The following CSMD1 variants were observed in gnomAD, a reference collection of about 807,000 sequenced individuals.
CSMD1 encodes the protein CUB and Sushi multiple domains 1.
CSMD1 carries 213 observed loss-of-function variants against 417.5 expected under a neutral mutation model. The ratio of observed to expected loss-of-function variants is 0.51; its 90% confidence interval spans 0.46 to 0.57. CSMD1 has a LOEUF of 0.57. CSMD1 is among the 20% of genes least tolerant of loss of function. The pLI is 0.00. For synonymous variants in CSMD1, 2,862 were observed against 1,736.8 expected, an observed-to-expected ratio of 1.65 and a Z score of -16.11; for missense variants, 6,923 against 4,529.7, an observed-to-expected ratio of 1.53 and a Z score of -15.17.
At chr8:4,854,361 A>T (rs1801665547) in intron 1 of CSMD1, among the ~76,000 whole-genome samples, 1 of 152,136 alleles carries the variant, frequency 6.6e-6, no homozygotes, top group African/African-American at 2.4e-5. Context: ...TAGTGATTGA[A>T]TTCTCAAAGG....
At position 4,256,418 on chromosome 8, in the gene CSMD1, T is replaced by C. The variant is rs137901415; in HGVS notation, c.415+163535A>G. Among the ~76,000 whole-genome samples, 570 of 152,278 alleles carry C rather than the reference T, an allele frequency of 3.7e-3. 5 individuals are homozygous for C. Among genetic ancestry groups the C allele is most frequent in the African/African-American group, 0.013 (547 of 41,546 alleles). On this transcript the variant is annotated intron_variant, in intron 3 of 69. Transcript: ENST00000635120. ...GAATTTCTCTTTTCTCCTCTGAAAA[T>C]AGCACAGAATTGTGAAGATTAAAAG...
chr8:3,609,588 C>T (rs531910529), intron 8 of CSMD1, among the ~76,000 whole-genome samples: 2 of 151,810 alleles, frequency 1.3e-5, no homozygotes, highest in South Asian at 4.2e-4. Flanking sequence ...AATATTTTAC[C>T]AGCCTAAAAA....
intron 2 of CSMD1, among the ~76,000 whole-genome samples, chr8:4,508,206 C>G (rs1236158774): frequency 1.3e-5 from 2 of 150,138 alleles, no homozygotes; most frequent in East Asian, 3.9e-4. Context: ...TAAGCATCTC[C>G]CTGATACCGC....
At chr8:3,768,604 T>G (rs559679794) in intron 5 of CSMD1, among the ~76,000 whole-genome samples, 1 of 152,290 alleles carries the variant, frequency 6.6e-6, no homozygotes, top group East Asian at 1.9e-4. Flanking sequence ...AGTGTAACAT[T>G]AAATAGAAGC....
At chr8:3,010,386 C>A (rs1808291533) in intron 52 of CSMD1, among the ~76,000 whole-genome samples, 1 of 152,186 alleles carries the variant, frequency 6.6e-6, no homozygotes, top group African/African-American at 2.4e-5. Flanking sequence ...CAGGACTCAG[C>A]TCAAAACCTG....
At chr8:4,416,907 G>C (rs773561908) in intron 3 of CSMD1, among the ~76,000 whole-genome samples, 1 of 151,964 alleles carries the variant, frequency 6.6e-6, no homozygotes, top group Non-Finnish European at 1.5e-5. Flanking sequence ...GGCATATCTA[G>C]GAATTTTAAT....
chr8:4,141,234 G>C (rs952627921), intron 3 of CSMD1, among the ~76,000 whole-genome samples: 4 of 151,046 alleles, frequency 2.6e-5, no homozygotes, highest in African/African-American at 9.9e-5. Flanking sequence ...ACATTTACAA[G>C]ATACTGAAGA....
chr8:3,920,174 C>T (rs748580192), intron 5 of CSMD1, among the ~76,000 whole-genome samples: 8 of 152,052 alleles, frequency 5.3e-5, no homozygotes, highest in Non-Finnish European at 1.2e-4. Context: ...GCTGGGACTA[C>T]AGGTGTGTGC....
chr8:3,053,007 C>T (rs1001010768), intron 49 of CSMD1, among the ~76,000 whole-genome samples: 5 of 152,122 alleles, frequency 3.3e-5, no homozygotes, highest in African/African-American at 9.7e-5. Context: ...GTTGCCAACT[C>T]CCAAACTCAG....
chr8:3,765,015 GATTACAGGC>G (rs1798195703), intron 5 of CSMD1, among the ~76,000 whole-genome samples: 1 of 151,854 alleles, frequency 6.6e-6, no homozygotes, highest in Admixed American at 6.6e-5. Flanking sequence ...AAAGTTCTGG[GATTACAGGC>G]ATGACCCACC....
chr8:4,271,975 T>C (rs188998563), intron 3 of CSMD1, among the ~76,000 whole-genome samples: 1 of 152,268 alleles, frequency 6.6e-6, no homozygotes, highest in Admixed American at 6.5e-5. Context: ...CAGCCCTCCC[T>C]ATATAGATGG....
At chr8:3,581,964 C>T (rs1379717426) in intron 9 of CSMD1, among the ~76,000 whole-genome samples, 3 of 152,152 alleles carry the variant, frequency 2.0e-5, no homozygotes, top group Non-Finnish European at 4.4e-5. Flanking sequence ...ACCAGCATGT[C>T]TAGCTAACTC....
chr8:4,636,892 G>A (rs558202494), intron 2 of CSMD1, among the ~76,000 whole-genome samples: 41 of 152,214 alleles, frequency 2.7e-4, no homozygotes, highest in Admixed American at 5.2e-4. Flanking sequence ...GCACCAATCA[G>A]CACTCTGTAA....
At chr8:4,463,900 T>C (rs1184162312) in intron 2 of CSMD1, among the ~76,000 whole-genome samples, 3 of 152,158 alleles carry the variant, frequency 2.0e-5, no homozygotes, top group East Asian at 3.9e-4. Flanking sequence ...ATGTGAATCA[T>C]TTCAATATAG....
intron 3 of CSMD1, among the ~76,000 whole-genome samples, chr8:4,077,915 T>A (rs1244994368): frequency 6.6e-6 from 1 of 152,124 alleles, no homozygotes; most frequent in Non-Finnish European, 1.5e-5. Context: ...CCCGAAGACC[T>A]TGCCATCATC....
intron 46 of CSMD1, among the ~76,000 whole-genome samples, chr8:3,102,125 A>G (rs1340335999): frequency 6.6e-6 from 1 of 152,236 alleles, no homozygotes; most frequent in Non-Finnish European, 1.5e-5. Context: ...TGACATTTGA[A>G]GAAGACAGAC....
chr8:3,721,998 G>A (rs1160516667), intron 6 of CSMD1, among the ~76,000 whole-genome samples: 3 of 152,132 alleles, frequency 2.0e-5, no homozygotes, highest in East Asian at 1.9e-4. Flanking sequence ...CCACAAGCCA[G>A]TACACATGGG....
chr8:4,979,765 T>G (rs2117422689), intron 1 of CSMD1, among the ~76,000 whole-genome samples: 1 of 152,264 alleles, frequency 6.6e-6, no homozygotes, highest in East Asian at 1.9e-4. Flanking sequence ...TGGCCACGCG[T>G]GGTGGCTCAC....
At position 3,753,010 on chromosome 8, in the gene CSMD1, GAGGTATTTACAA is replaced by G. The variant is rs537049610; in HGVS notation, c.931+908_931+919del. Among the ~76,000 whole-genome samples the G allele has an allele frequency of 1.4e-4, 22 of 152,280 alleles. 1 individual carries two copies. In the South Asian group the frequency reaches 4.6e-3, roughly 32 times the overall value. On this transcript the variant is annotated intron_variant, in intron 6 of 69. Coordinates refer to ENST00000635120, the MANE Select transcript of CSMD1 (RefSeq NM_033225.6). The stretch of plus-strand genomic sequence containing the variant: ...TCCCTTTGCATTCTGACTTTCATGG[GAGGTATTTACAA>G]ACTGCAAACTGTCTCCGTGACCTGC...
Sources: gnomAD v4.1 joint callset for allele counts (sites outside exome capture counted in the v4.1 genomes callset) on GRCh38, gnomAD v4.1.1 for gene constraint, MANE v1.5 for transcripts, NCBI Gene and HGNC (gene_info 2026-07-23, HGNC 2026-07-21) for gene names.